The following HERC2 variants were observed in gnomAD, a reference collection of about 807,000 sequenced individuals.
HERC2 encodes the protein HECT and RLD domain containing E3 ubiquitin protein ligase 2.
In HERC2, 102 loss-of-function variants were observed where a neutral mutation model predicts 537.7. The observed-to-expected ratio is 0.19, with a 90% CI of 0.16 to 0.22. The LOEUF is 0.22. HERC2 is among the 10% of genes least tolerant of loss of function. The probability of loss-of-function intolerance (pLI) is 1.00; values close to 1 mark genes in which losing one functional copy is unlikely to be tolerated. For synonymous variants in HERC2, 2,224 were observed against 2,466.2 expected (o/e 0.90, Z 2.91); for missense variants, 4,236 against 6,198.2 (o/e 0.68, Z 10.63).
intron 31 of HERC2, 58 bp downstream of exon 31, chr15:28,230,309 C>G (rs1340368128): frequency 1.3e-6 from 2 of 1,551,212 alleles, no homozygotes; most frequent in African/African-American, 2.8e-5. Flanking sequence ...CTGTGGATTC[C>G]TGTGCTACAT....
intron 2 of HERC2, among the ~76,000 whole-genome samples, chr15:28,306,805 G>A (rs2076801408): frequency 6.6e-6 from 1 of 152,122 alleles, no homozygotes; most frequent in Non-Finnish European, 1.5e-5. Flanking sequence ...AACTTGGAAG[G>A]CTGTATGTGC....
chr15:28,179,116 A>T (rs1237138157), intron 58 of HERC2, 26 bp downstream of exon 58: 3 of 1,601,854 alleles, frequency 1.9e-6, no homozygotes, highest in African/African-American at 1.4e-5. Flanking sequence ...TAATTTAAAA[A>T]TTTTTTAAGA....
chr15:28,162,951 A>C, intron 69 of HERC2, 143 bp downstream of exon 69: 1 of 699,904 alleles, frequency 1.4e-6, no homozygotes, highest in Non-Finnish European at 2.4e-6. Flanking sequence ...TTTTGCTCTA[A>C]AGGAGTGCTC....
In HERC2 at chr15:28,113,475, C is replaced by T. The variant is rs1157662450; in HGVS notation, c.14019+98G>A. 3.4e-6 allele frequency: 4 copies of T among 1,181,978 alleles called. No homozygotes were observed. The Admixed American group carries it at 7.4e-5, about 22-fold the overall frequency. The allele number at this position is 1,181,978 out of a possible 1,614,324, so 73.2% of individuals were successfully genotyped here. A position where few individuals can be genotyped will look rare whatever the true frequency, so the allele number is the denominator to read the frequency against. The stretch of plus-strand genomic sequence containing the variant: ...CTCAGAGTGCACTCCCTTCAGTCAA[C>T]ACACAGGGCAAGGTTCTGACTCTAA... On this transcript the variant is annotated intron_variant, in intron 91 of 92. Transcript: ENST00000261609. The surrounding 1 kb of genome is among the most constrained non-coding windows in gnomAD (Gnocchi z 7.0).
At chr15:28,261,234 C>T (rs886192621) in intron 15 of HERC2, among the ~76,000 whole-genome samples, 7 of 151,382 alleles carry the variant, frequency 4.6e-5, no homozygotes, top group African/African-American at 1.5e-4. Context: ...TTTTTCTCCT[C>T]CTCATTCAGA....
At chr15:28,258,127 T>A (rs1188829755) in intron 16 of HERC2, among the ~76,000 whole-genome samples, 1 of 152,164 alleles carries the variant, frequency 6.6e-6, no homozygotes, top group Non-Finnish European at 1.5e-5. Context: ...CTAGAAATCA[T>A]GAACAGAACA....
chr15:28,262,082 A>C (rs1320728661), intron 15 of HERC2, among the ~76,000 whole-genome samples: 1 of 152,152 alleles, frequency 6.6e-6, no homozygotes, highest in African/African-American at 2.4e-5. Flanking sequence ...AGAGAACCCT[A>C]AAGAGTCCAT....
rs375002955 is a variant in HERC2 at position 28,315,508 on chromosome 15, C to T, written c.72+5854G>A. 2.4e-5 allele frequency: 9 copies of T among 381,710 alleles called. No homozygotes were observed. In the East Asian group the frequency reaches 2.8e-4, roughly 12 times the overall value. The allele number at this position is 381,710 out of a possible 1,614,324, so 23.6% of individuals were successfully genotyped here. A position where few individuals can be genotyped will look rare whatever the true frequency, so the allele number is the denominator to read the frequency against. On this transcript the variant is annotated intron_variant, in intron 2 of 92. Coordinates refer to ENST00000261609, the MANE Select transcript of HERC2 (RefSeq NM_004667.6). ...AATAGGGTCAAGCAATTAAAAGATC[C>T]TATTAACAGCCGGGCACGGTTCATG...
chr15:28,113,456 G>A lies in HERC2; in HGVS notation c.14019+117C>T, dbSNP rs114391497. ...AGGCGGGTGGAGGGACGCGCTCAGA[G>A]TGCACTCCCTTCAGTCAACACACAG... On this transcript the variant is annotated intron_variant, in intron 91 of 92. Transcript: ENST00000261609. This position sits in a 1 kb window ranked among gnomAD's most constrained non-coding sequence, Gnocchi z 7.0. 7 of 1,080,540 alleles carry A rather than the reference G, an allele frequency of 6.5e-6. No individual in the cohort carries two copies. The African/African-American group carries it at 7.8e-5, about 12-fold the overall frequency. The allele number at this position is 1,080,540 out of a possible 1,614,324, so 66.9% of individuals were successfully genotyped here.
chr15:28,306,501 A>C (rs1044999135), intron 2 of HERC2, among the ~76,000 whole-genome samples: 1 of 152,200 alleles, frequency 6.6e-6, no homozygotes, highest in Non-Finnish European at 1.5e-5. Context: ...TTCCGCATCA[A>C]TGTTCATCTG....
chr15:28,309,418 G>A (rs1281738546), intron 2 of HERC2, among the ~76,000 whole-genome samples: 2 of 152,090 alleles, frequency 1.3e-5, no homozygotes, highest in Non-Finnish European at 2.9e-5. Context: ...ATTACATAAT[G>A]ACTTTTTTGG....
intron 83 of HERC2, 110 bp from the exon 84 acceptor site, chr15:28,125,303 G>A: frequency 1.1e-6 from 1 of 872,080 alleles, no homozygotes; most frequent in South Asian, 1.5e-5. Flanking sequence ...CCTTCAGCTG[G>A]TGTTGACCTA....
At chr15:28,148,804 C>T (rs1366516956) in intron 70 of HERC2, among the ~76,000 whole-genome samples, 1 of 151,950 alleles carries the variant, frequency 6.6e-6, no homozygotes, top group East Asian at 1.9e-4. Context: ...AACGGCCACA[C>T]GAACGTACAT....
At chr15:28,141,347 T>G (rs1477975979) in intron 78 of HERC2, 85 bp downstream of exon 78, 2 of 1,144,712 alleles carry the variant, frequency 1.7e-6, no homozygotes, top group Non-Finnish European at 2.6e-6. Flanking sequence ...GTACAGATCC[T>G]TGCACGTGCT....
At chr15:28,136,835 G>T (rs997901151) in intron 78 of HERC2, among the ~76,000 whole-genome samples, 12 of 152,166 alleles carry the variant, frequency 7.9e-5, no homozygotes, top group African/African-American at 2.9e-4. Flanking sequence ...AGGACAAAAT[G>T]AAGATATTTT....
In HERC2 at chr15:28,112,317, G is replaced by A. The variant is rs565176936; in HGVS notation, c.14233-282C>T. On this transcript the variant is annotated intron_variant, in intron 92 of 92. Coordinates refer to ENST00000261609, the MANE Select transcript of HERC2 (RefSeq NM_004667.6). ...GTGTGGATGCGGGGCGGCCTGGCTG[G>A]CGGAGGACCAGGCACGTGACCACGG... Among the ~76,000 whole-genome samples, 67 of 152,292 alleles carry A rather than the reference G, an allele frequency of 4.4e-4. 1 individual carries two copies. The highest frequency in any genetic ancestry group is 1.6e-3 in the African/African-American group (65 of 41,560).
At chr15:28,232,999 A>C in intron 30 of HERC2, 147 bp downstream of exon 30, 1 of 651,950 alleles carries the variant, frequency 1.5e-6, no homozygotes, top group Non-Finnish European at 2.7e-6. Flanking sequence ...TTCTGTATTT[A>C]ATCGTAACTG....
chr15:28,113,758 G>A lies in HERC2; in HGVS notation c.13914-80C>T. The A allele has an allele frequency of 1.7e-6, 2 of 1,170,140 alleles. No individual in the cohort carries two copies. The highest frequency in any genetic ancestry group is 4.9e-5 in the East Asian group (2 of 40,596). 72.5% of individuals were successfully genotyped at this position (1,170,140 alleles called of 1,614,324 possible). ...TGCTCACACCAAGCCTTGGCATGCA[G>A]CACTGTGGCCGCACACGTCCCAGCT... On this transcript the variant is annotated intron_variant, in intron 90 of 92. Transcript: ENST00000261609. This position sits in a 1 kb window ranked among gnomAD's most constrained non-coding sequence, Gnocchi z 7.0.
chr15:28,228,386 T>C lies in HERC2; in HGVS notation c.5296A>G (p.Thr1766Ala). Residue 1766 changes from threonine to alanine, a missense_variant, in exon 35 of 93, where the codon ACC becomes GCC. By Grantham distance (58) the Thr-to-Ala change is moderately conservative. This residue lies in a region of HERC2 where 343 missense variants were observed against 417.2 expected (regional missense o/e 0.82). Coordinates refer to ENST00000261609, the MANE Select transcript of HERC2 (RefSeq NM_004667.6). ...ELGIQPVPLQ[T>A]ITNENPSGPS... ...CCTGACGGGTTCTCATTGGTGATGG[T>C]TTGCAGGGGAACCGGCTGGATACCT... The C allele has an allele frequency of 6.2e-7, 1 of 1,612,034 alleles. No homozygotes were observed. The highest frequency in any genetic ancestry group is 8.5e-7 in the Non-Finnish European group (1 of 1,179,862).
Sources: allele counts gnomAD v4.1 joint callset (sites outside exome capture counted in the v4.1 genomes callset), GRCh38; gene constraint gnomAD v4.1.1; regional missense constraint gnomAD v4.1.1; non-coding constraint Gnocchi (gnomAD v3.1); transcripts MANE v1.5; gene names NCBI Gene and HGNC (gene_info 2026-07-23, HGNC 2026-07-21).